Variants in LRRTM4 observed in about 807,000 individuals in gnomAD.
The protein encoded by LRRTM4 is leucine rich repeat transmembrane neuronal 4, also known as leucine-rich repeat transmembrane neuronal protein 4.
In LRRTM4, 25 loss-of-function variants were observed where a neutral mutation model predicts 47.6. The ratio of observed to expected loss-of-function variants is 0.53; its 90% confidence interval spans 0.38 to 0.73. The LOEUF (loss-of-function observed/expected upper bound fraction) is 0.73. LRRTM4 is among the 30% of genes least tolerant of loss of function. The pLI is 0.00. For missense variants in LRRTM4, 638 were observed against 713.4 expected (o/e 0.89, Z 1.20); for synonymous variants, 311 against 269.5 (o/e 1.15, Z -1.51).
At chr2:77,132,397 A>G (rs1048608504) in intron 3 of LRRTM4, among the ~76,000 whole-genome samples, 2 of 152,146 alleles carry the variant, frequency 1.3e-5, no homozygotes, top group Admixed American at 1.3e-4. Flanking sequence ...TCATCTATTG[A>G]TGGACACTTA....
At chr2:77,389,910 C>A (rs1218237442) in intron 3 of LRRTM4, among the ~76,000 whole-genome samples, 1 of 151,922 alleles carries the variant, frequency 6.6e-6, no homozygotes, top group East Asian at 1.9e-4. Context: ...GAAATTGTAC[C>A]CAGGAAAAAC....
At chr2:76,757,003 AT>A (rs1673054505) in intron 3 of LRRTM4, among the ~76,000 whole-genome samples, 1 of 152,140 alleles carries the variant, frequency 6.6e-6, no homozygotes, top group Non-Finnish European at 1.5e-5. Flanking sequence ...AAATAATCTA[AT>A]TTATGGAATA....
chr2:76,775,001 C>T (rs907000275), intron 3 of LRRTM4, among the ~76,000 whole-genome samples: 2 of 152,178 alleles, frequency 1.3e-5, no homozygotes, highest in Non-Finnish European at 2.9e-5. Context: ...AAGTTGTCTT[C>T]TTTTAATTCC....
chr2:77,400,237 T>C (rs747297561), intron 3 of LRRTM4, among the ~76,000 whole-genome samples: 1 of 151,004 alleles, frequency 6.6e-6, no homozygotes, highest in African/African-American at 2.5e-5. Flanking sequence ...TTCTAAATAT[T>C]CCTGTTTTTT....
At chr2:76,914,749 C>T (rs1674187463) in intron 3 of LRRTM4, among the ~76,000 whole-genome samples, 1 of 152,070 alleles carries the variant, frequency 6.6e-6, no homozygotes, top group South Asian at 2.1e-4. Context: ...TTGACCTAAA[C>T]TTTTGTTTGA....
At chr2:77,082,686 A>G (rs1232645810) in intron 3 of LRRTM4, among the ~76,000 whole-genome samples, 1 of 106,250 alleles carries the variant, frequency 9.4e-6, no homozygotes, top group Non-Finnish European at 1.7e-5. Flanking sequence ...ATATTAACAT[A>G]AAGTAGAGAA....
intron 3 of LRRTM4, among the ~76,000 whole-genome samples, chr2:76,935,367 G>C (rs1328637784): frequency 6.6e-6 from 1 of 152,092 alleles, no homozygotes; most frequent in Non-Finnish European, 1.5e-5. Flanking sequence ...ATTTAAAGTA[G>C]TTTTTTTCAA....
At chr2:77,220,391 G>A (rs979961675) in intron 3 of LRRTM4, among the ~76,000 whole-genome samples, 17 of 152,130 alleles carry the variant, frequency 1.1e-4, no homozygotes, top group African/African-American at 4.1e-4. Context: ...GAAGGCTTCC[G>A]AAGATCAAAC....
intron 3 of LRRTM4, among the ~76,000 whole-genome samples, chr2:77,031,516 T>C (rs562713576): frequency 1.3e-5 from 2 of 152,182 alleles, no homozygotes; most frequent in Non-Finnish European, 2.9e-5. Context: ...CTGAAATCAC[T>C]GGAACAATTA....
intron 3 of LRRTM4, among the ~76,000 whole-genome samples, chr2:77,216,213 T>C (rs1269406744): frequency 2.0e-5 from 3 of 152,304 alleles, no homozygotes; most frequent in East Asian, 1.9e-4. Flanking sequence ...CTTGACACCA[T>C]TGCCAGAATA....
chr2:76,866,872 T>G (rs1041840407), intron 3 of LRRTM4, among the ~76,000 whole-genome samples: 13 of 152,152 alleles, frequency 8.5e-5, no homozygotes, highest in African/African-American at 2.9e-4. Context: ...GTAATGGGAT[T>G]GCTGGGTCAA....
At chr2:76,936,491 C>G (rs537953225) in intron 3 of LRRTM4, among the ~76,000 whole-genome samples, 4 of 149,810 alleles carry the variant, frequency 2.7e-5, no homozygotes, top group Non-Finnish European at 4.4e-5. Context: ...ATGTAGATGA[C>G]GGGTTGATGG....
At chr2:77,049,852 A>C (rs1679369951) in intron 3 of LRRTM4, among the ~76,000 whole-genome samples, 1 of 151,926 alleles carries the variant, frequency 6.6e-6, no homozygotes, top group South Asian at 2.1e-4. Context: ...GATCTTGTTC[A>C]TGAAATCTTT....
chr2:77,103,795 G>T (rs1294997939), intron 3 of LRRTM4, among the ~76,000 whole-genome samples: 1 of 151,274 alleles, frequency 6.6e-6, no homozygotes, highest in Non-Finnish European at 1.5e-5. Flanking sequence ...TATAAATACA[G>T]TGGAGCCAGT....
intron 3 of LRRTM4, among the ~76,000 whole-genome samples, chr2:77,502,269 A>G (rs554253932): frequency 6.6e-6 from 1 of 151,638 alleles, no homozygotes; most frequent in South Asian, 2.1e-4. Context: ...TAGAAAAAAG[A>G]TAATAAAAGT....
At chr2:77,383,491 T>G (rs1673141673) in intron 3 of LRRTM4, among the ~76,000 whole-genome samples, 1 of 152,082 alleles carries the variant, frequency 6.6e-6, no homozygotes, top group South Asian at 2.1e-4. Flanking sequence ...GTCAAAGCTT[T>G]GATTTTTCCA....
chr2:77,459,671 T>G (rs550293791), intron 3 of LRRTM4, among the ~76,000 whole-genome samples: 1 of 151,950 alleles, frequency 6.6e-6, no homozygotes, highest in Admixed American at 6.6e-5. Context: ...GTGAAATAAC[T>G]TTCAGTAAAA....
chr2:77,137,129 C>T (rs893673174), intron 3 of LRRTM4, among the ~76,000 whole-genome samples: 12 of 151,682 alleles, frequency 7.9e-5, no homozygotes, highest in Non-Finnish European at 1.6e-4. Flanking sequence ...CATAGAGTAC[C>T]ACAAAGATAC....
At position 77,519,793 on chromosome 2, in the gene LRRTM4, T is replaced by C. The variant is rs1393174436; in HGVS notation, c.76A>G (p.Met26Val). 1 of 1,612,912 alleles carries C rather than the reference T, an allele frequency of 6.2e-7. No individual in the cohort carries two copies. The highest frequency in any genetic ancestry group is 8.5e-7 in the Non-Finnish European group (1 of 1,179,468). Reference sequence around the variant, plus strand: ...CAAGCTCTCTGAGCACCCGTGAGCATAACAAGCAGCAGTGTAGGAAGTAGC... The same window carrying C: ...CAAGCTCTCTGAGCACCCGTGAGCACAACAAGCAGCAGTGTAGGAAGTAGC... ...LVLLPTLLLV[M>V]LTGAQRACPK... Residue 26 changes from methionine (M) to valine (V), a missense_variant, in exon 3 of 4, where the codon ATG becomes GTG. Coordinates refer to ENST00000409884, the MANE Select transcript of LRRTM4 (RefSeq NM_001134745.3). This position sits in a 1 kb window ranked among gnomAD's most constrained non-coding sequence, Gnocchi z 4.6.
Sources: gnomAD v4.1 joint callset for allele counts (sites outside exome capture counted in the v4.1 genomes callset) on GRCh38, gnomAD v4.1.1 for gene constraint, Gnocchi (gnomAD v3.1) non-coding constraint, MANE v1.5 for transcripts, NCBI Gene and HGNC (gene_info 2026-07-23, HGNC 2026-07-21) for gene names.